The following NHS variants were observed in gnomAD, a reference collection of about 807,000 sequenced individuals.
The protein encoded by NHS is actin remodeling regulator NHS.
In NHS, 5 loss-of-function variants were observed where a neutral mutation model predicts 72.5. The observed-to-expected ratio is 0.07, with a 90% confidence interval of 0.04 to 0.14. The LOEUF is 0.14. NHS is among the 10% of genes least tolerant of loss of function. The pLI is 1.00. For synonymous variants in NHS, 464 were observed against 547.7 expected (o/e 0.85, Z 2.13); for missense variants, 1,072 against 1,355.7 (o/e 0.79, Z 3.29).
rs1346247807 is a variant in NHS at position 17,631,735 on chromosome X, A to G, written c.566-56007A>G. Among the ~76,000 whole-genome samples, 8 of 112,286 alleles carry G rather than the reference A, an allele frequency of 7.1e-5. No individual in the cohort carries two copies. The Admixed American group carries it at 7.5e-4, about 11-fold the overall frequency. On this transcript the variant is annotated intron_variant, in intron 1 of 8. Transcript: ENST00000676302. ...TATTATCTTATTTAATCCCCCCAGC[A>G]ACTGTTTGAGGTAAATGTATCAGCT...
At chrX:17,584,379 A>G (rs932399674) in intron 1 of NHS, among the ~76,000 whole-genome samples, 1 of 111,402 alleles carries the variant, frequency 9.0e-6, no homozygotes, top group Non-Finnish European at 1.9e-5. Context: ...TGGGCAGAGA[A>G]GCTGGGTGTC....
chrX:17,607,385 C>A (rs896232266), intron 1 of NHS, among the ~76,000 whole-genome samples: 2 of 111,866 alleles, frequency 1.8e-5, no homozygotes, highest in Non-Finnish European at 1.9e-5. Context: ...CAACTCCCAG[C>A]CCTTGGGGAG....
At chrX:17,409,264 C>T (rs2064545370) in intron 1 of NHS, among the ~76,000 whole-genome samples, 1 of 112,012 alleles carries the variant, frequency 8.9e-6, no homozygotes, top group Admixed American at 9.4e-5. Flanking sequence ...TGTTAAAAAG[C>T]ATAGTACTGT....
At chrX:17,600,469 C>T (rs931496633) in intron 1 of NHS, among the ~76,000 whole-genome samples, 1 of 112,030 alleles carries the variant, frequency 8.9e-6, no homozygotes, top group African/African-American at 3.2e-5. Flanking sequence ...AAACAATATA[C>T]GTTAATTTAA....
At chrX:17,437,052 G>C (rs2064727031) in intron 1 of NHS, among the ~76,000 whole-genome samples, 1 of 111,892 alleles carries the variant, frequency 8.9e-6, no homozygotes, top group Non-Finnish European at 1.9e-5. Flanking sequence ...ACACTATGTG[G>C]AAGCACTGTG....
At chrX:17,715,365 T>C (rs2066358790) in intron 3 of NHS, among the ~76,000 whole-genome samples, 1 of 112,814 alleles carries the variant, frequency 8.9e-6, no homozygotes, top group Non-Finnish European at 1.9e-5. Context: ...TTTCATTCCG[T>C]TTAATGGCTG....
intron 1 of NHS, among the ~76,000 whole-genome samples, chrX:17,640,723 T>C (rs750969794): frequency 3.9e-4 from 44 of 112,721 alleles, no homozygotes; most frequent in African/African-American, 1.4e-3. Flanking sequence ...CTAAGCTCCC[T>C]CTTCCATCTA....
intron 1 of NHS, among the ~76,000 whole-genome samples, chrX:17,590,259 A>G (rs1490609928): frequency 8.9e-6 from 1 of 111,770 alleles, no homozygotes; most frequent in East Asian, 2.8e-4. Context: ...TGGTAATTCA[A>G]AATCTAAAAG....
chrX:17,653,190 G>A (rs1235480480), intron 1 of NHS, among the ~76,000 whole-genome samples: 4 of 112,090 alleles, frequency 3.6e-5, no homozygotes, highest in African/African-American at 1.3e-4. Context: ...CTTTTATTAC[G>A]TGCTGGGCAC....
intron 1 of NHS, among the ~76,000 whole-genome samples, chrX:17,618,027 C>A (rs956234230): frequency 1.8e-5 from 2 of 112,054 alleles, no homozygotes; most frequent in Admixed American, 9.5e-5. Flanking sequence ...GCTACATGAA[C>A]TTTAGACATT....
chrX:17,550,782 C>T (rs755971847), intron 1 of NHS, among the ~76,000 whole-genome samples: 1 of 111,980 alleles, frequency 8.9e-6, no homozygotes, highest in Admixed American at 9.4e-5. Context: ...CACGTCTCTC[C>T]ACTGCTCAAA....
chrX:17,515,656 G>C (rs753473128), intron 1 of NHS, among the ~76,000 whole-genome samples: 2 of 112,118 alleles, frequency 1.8e-5, no homozygotes, highest in Admixed American at 9.4e-5. Context: ...ATGTTAACAT[G>C]GTTTGGATAA....
At chrX:17,715,113 A>G (rs2066357158) in intron 3 of NHS, among the ~76,000 whole-genome samples, 1 of 111,285 alleles carries the variant, frequency 9.0e-6, no homozygotes, top group Non-Finnish European at 1.9e-5. Context: ...ATTTTAGTGC[A>G]CCCATTCACC....
At chrX:17,524,076 C>T (rs1451690667) in intron 1 of NHS, among the ~76,000 whole-genome samples, 5 of 112,139 alleles carry the variant, frequency 4.5e-5, no homozygotes, top group East Asian at 2.8e-4. Context: ...TAGCAAGCTC[C>T]GCATTTGGTG....
chrX:17,658,205 C>T (rs1304658677), intron 1 of NHS, among the ~76,000 whole-genome samples: 13 of 112,730 alleles, frequency 1.2e-4, no homozygotes, highest in African/African-American at 3.5e-4. Flanking sequence ...CTTTTTCTTT[C>T]GTGGTGATGG....
chrX:17,440,414 T>C (rs2064746465), intron 1 of NHS, among the ~76,000 whole-genome samples: 1 of 111,356 alleles, frequency 9.0e-6, no homozygotes, highest in African/African-American at 3.3e-5. Context: ...GCCATGTATG[T>C]CTTTGGCTTT....
chrX:17,461,055 G>A (rs962913915), intron 1 of NHS, among the ~76,000 whole-genome samples: 3 of 112,051 alleles, frequency 2.7e-5, no homozygotes, highest in Non-Finnish European at 3.8e-5. Flanking sequence ...TACTTTGTGC[G>A]TGGAACTTTG....
At chrX:17,663,015 C>T (rs2065990324) in intron 1 of NHS, among the ~76,000 whole-genome samples, 1 of 111,684 alleles carries the variant, frequency 9.0e-6, no homozygotes. Flanking sequence ...TATATTTTGA[C>T]TTTTCTTTAC....
At chrX:17,417,141 C>G (rs2064600732) in intron 1 of NHS, among the ~76,000 whole-genome samples, 1 of 109,522 alleles carries the variant, frequency 9.1e-6, no homozygotes, top group Non-Finnish European at 1.9e-5. Flanking sequence ...TTCAAAGACA[C>G]AAAAACTAAG....
Sources: allele counts gnomAD v4.1 joint callset (sites outside exome capture counted in the v4.1 genomes callset), GRCh38; gene constraint gnomAD v4.1.1; transcripts MANE v1.5; gene names NCBI Gene and HGNC (gene_info 2026-07-23, HGNC 2026-07-21).